PNPLA7: variants seen among roughly 807,000 people sequenced by gnomAD.
PNPLA7 encodes the protein patatin-like phospholipase domain-containing protein 7.
Under a neutral mutation model 161.7 loss-of-function variants are expected in PNPLA7, and 153 were observed. That is an observed-to-expected ratio of 0.95 (90% CI 0.83 to 1.08). The LOEUF (loss-of-function observed/expected upper bound fraction) is 1.08. Among genes scored for constraint, PNPLA7 ranks in the 50% least tolerant of loss-of-function variants. PNPLA7 has a pLI of 0.00. For missense variants in PNPLA7, 1,739 were observed against 1,856.6 expected (o/e 0.94, Z 1.16); for synonymous variants, 809 against 782.1 (o/e 1.03, Z -0.57).
chr9:137,476,206 G>A lies in PNPLA7; in HGVS notation c.2882+1828C>T, dbSNP rs1010671530. 2.0e-5 allele frequency among the ~76,000 whole-genome samples: 3 copies of A among 152,194 alleles called. No individual in the cohort carries two copies. The highest frequency in any genetic ancestry group is 4.8e-5 in the African/African-American group (2 of 41,450). Reference sequence around the variant, plus strand: ...GTATGTCCGAACATACCGAGAGGAGGTTAATGCCTGCCTCAGTGTCTTCGG... The same window carrying A: ...GTATGTCCGAACATACCGAGAGGAGATTAATGCCTGCCTCAGTGTCTTCGG... On this transcript the variant is annotated intron_variant, in intron 25 of 34. Transcript: ENST00000406427. The surrounding 1 kb of genome is among the most constrained non-coding windows in gnomAD (Gnocchi z 4.5).
In PNPLA7 at chr9:137,520,044, C is replaced by A. The variant is rs561266093; in HGVS notation, c.958-1G>T. On this transcript the variant is annotated splice_acceptor_variant, in intron 10 of 34. Coordinates refer to ENST00000406427, the MANE Select transcript of PNPLA7 (RefSeq NM_001098537.3). LOFTEE classifies it high-confidence loss of function. The surrounding 1 kb of genome is among the most constrained non-coding windows in gnomAD (Gnocchi z 5.2). Reference sequence around the variant, plus strand: ...ACACGAGAGGGATGGCCTGGCTCTCCTGGGACACAAGAAGGAAGTTCAGTG... The same window carrying A: ...ACACGAGAGGGATGGCCTGGCTCTCATGGGACACAAGAAGGAAGTTCAGTG... 7 of 1,612,214 alleles carry A rather than the reference C, an allele frequency of 4.3e-6. No individual in the cohort carries two copies. Among genetic ancestry groups the A allele is most frequent in the East Asian group, 4.5e-5 (2 of 44,882 alleles).
At chr9:137,484,506 G>A (rs1248947689) in intron 21 of PNPLA7, 81 bp downstream of exon 21, 4 of 1,444,240 alleles carry the variant, frequency 2.8e-6, no homozygotes, top group African/African-American at 2.8e-5. Flanking sequence ...GCGTCCCCTC[G>A]AAGACAGAGG....
At chr9:137,479,971 G>T in intron 23 of PNPLA7, 1 of 895,936 alleles carries the variant, frequency 1.1e-6, no homozygotes, top group Non-Finnish European at 1.3e-6. Context: ...CCTAAGTGCT[G>T]TGGAGAAAAG....
chr9:137,470,379 G>C (rs1010332154), intron 25 of PNPLA7, among the ~76,000 whole-genome samples: 1 of 152,052 alleles, frequency 6.6e-6, no homozygotes. Context: ...AAATTCACCA[G>C]TGAAACCATC....
At chr9:137,466,517 A>G (rs1378275259) in intron 26 of PNPLA7, among the ~76,000 whole-genome samples, 38 of 133,556 alleles carry the variant, frequency 2.8e-4, no homozygotes, top group East Asian at 1.7e-3. Flanking sequence ...ACCCGGGCAC[A>G]GATCAGACCA....
In PNPLA7 at chr9:137,460,125, C is replaced by T; in HGVS notation, c.*268G>A. 5 of 378,392 alleles carry T rather than the reference C, an allele frequency of 1.3e-5. No individual in the cohort carries two copies. Among genetic ancestry groups the T allele is most frequent in the East Asian group, 1.0e-4 (2 of 19,354 alleles). The allele number at this position is 378,392 out of a possible 1,614,324, so 23.4% of individuals were successfully genotyped here. A position where few individuals can be genotyped will look rare whatever the true frequency, so the allele number is the denominator to read the frequency against. ...GGGGCCTCACAGGGCTTCGGGGGGC[C>T]TCACAGGGCTGCAGGGGGTTCACAG... is the stretch of plus-strand genomic sequence containing the variant. On this transcript the variant is annotated 3_prime_UTR_variant, in exon 35 of 35. Coordinates refer to ENST00000406427, the MANE Select transcript of PNPLA7 (RefSeq NM_001098537.3).
intron 12 of PNPLA7, among the ~76,000 whole-genome samples, chr9:137,514,672 G>A (rs909466696): frequency 7.0e-6 from 1 of 142,828 alleles, no homozygotes; most frequent in African/African-American, 2.7e-5. Context: ...GGGCCCTGTG[G>A]CTGGGCTGCA....
At position 137,500,720 on chromosome 9, in the gene PNPLA7, G is replaced by A. The variant is rs918558098; in HGVS notation, c.1728C>T (p.Phe576=). The change falls in exon 16 of 35, where the codon TTC becomes TTT. Residue 576 remains phenylalanine (F), a synonymous_variant. Coordinates refer to ENST00000406427, the MANE Select transcript of PNPLA7 (RefSeq NM_001098537.3). The surrounding 1 kb of genome is among the most constrained non-coding windows in gnomAD (Gnocchi z 5.5). ...AGAAGTGGGCCTTGGAGATGGACAG[G>A]AAGCTGCAGTCCCTGTTGGCCTTGA... ...FTVKANRDCS[F]LSISKAHFYE... 2.5e-6 allele frequency: 4 copies of A among 1,612,346 alleles called. No homozygotes were observed. The highest frequency in any genetic ancestry group is 3.4e-6 in the Non-Finnish European group (4 of 1,179,850).
chr9:137,467,552 C>T lies in PNPLA7; in HGVS notation c.2883-79G>A, dbSNP rs1161720737. The T allele has an allele frequency of 2.0e-6, 3 of 1,523,476 alleles. No homozygotes were observed. Among genetic ancestry groups the T allele is most frequent in the East Asian group, 4.6e-5 (2 of 43,642 alleles). 94.4% of individuals were successfully genotyped at this position (1,523,476 alleles called of 1,614,324 possible). A position where few individuals can be genotyped will look rare whatever the true frequency, so the allele number is the denominator to read the frequency against. On this transcript the variant is annotated intron_variant, in intron 25 of 34. Transcript: ENST00000406427. The surrounding 1 kb of genome is among the most constrained non-coding windows in gnomAD (Gnocchi z 5.1). ...CCTGCAGAGGCCTTGTGCTCATCCT[C>T]AGTTCCCAACTCCTCCACAGGCAGA...
chr9:137,472,961 GA>G (rs1033858696), intron 25 of PNPLA7, among the ~76,000 whole-genome samples: 1 of 149,660 alleles, frequency 6.7e-6, no homozygotes, highest in Admixed American at 6.7e-5. Flanking sequence ...TCTCAAAAAA[GA>G]AAAAAAAATG....
rs1247491697 is a variant in PNPLA7 at position 137,468,398 on chromosome 9, G to A, written c.2883-925C>T. On this transcript the variant is annotated intron_variant, in intron 25 of 34. Coordinates refer to ENST00000406427, the MANE Select transcript of PNPLA7 (RefSeq NM_001098537.3). The surrounding 1 kb of genome is among the most constrained non-coding windows in gnomAD (Gnocchi z 4.0). ...GAGTGCCTCCCAGGTAAGAGATACA[G>A]ACACAGGCTTTTACAATGACCACGC... Among the ~76,000 whole-genome samples, 1 of 152,204 alleles carries A rather than the reference G, an allele frequency of 6.6e-6. No individual in the cohort carries two copies. Among genetic ancestry groups the A allele is most frequent in the African/African-American group, 2.4e-5 (1 of 41,458 alleles).
intron 22 of PNPLA7, chr9:137,480,750 TG>T: frequency 5.5e-6 from 4 of 731,458 alleles, no homozygotes; most frequent in South Asian, 1.9e-5. Context: ...AAGCGGGGGC[TG>T]GGGTCCCCTG....
At chr9:137,482,542 G>A (rs577447583) in intron 21 of PNPLA7, among the ~76,000 whole-genome samples, 19 of 152,372 alleles carry the variant, frequency 1.2e-4, no homozygotes, top group African/African-American at 3.4e-4. Flanking sequence ...TATAGAGATC[G>A]AGAACAGATC....
At chr9:137,534,904 G>A (rs889761669) in intron 8 of PNPLA7, among the ~76,000 whole-genome samples, 7 of 140,328 alleles carry the variant, frequency 5.0e-5, no homozygotes, top group Non-Finnish European at 8.9e-5. Flanking sequence ...CCCTCGAACC[G>A]CGCGTTCTAA....
At chr9:137,474,856 C>CAAA (rs750987273) in intron 25 of PNPLA7, among the ~76,000 whole-genome samples, 19 of 107,320 alleles carry the variant, frequency 1.8e-4, no homozygotes, top group African/African-American at 6.1e-4. Flanking sequence ...ACTAAAAATA[C>CAAA]AAAAAAAAAA....
intron 11 of PNPLA7, 68 bp from the exon 12 acceptor site, chr9:137,515,587 G>C (rs2132426719): frequency 6.9e-7 from 1 of 1,456,194 alleles, no homozygotes; most frequent in African/African-American, 1.4e-5. Flanking sequence ...CAGCCCATTC[G>C]GGGCCACGCA....
Position 137,462,016 on chromosome 9 carries a change from G to C in PNPLA7, c.3671C>G (p.Thr1224Arg). The change falls in exon 32 of 35, where the codon ACG becomes AGG. Residue 1224 changes from threonine (T) to arginine (R), a missense_variant. Thr to Arg is a moderately conservative substitution (Grantham distance 71). Transcript: ENST00000406427. The stretch of plus-strand genomic sequence containing the variant: ...GCTGCGGCCCCAGATGTCAAACACC[G>C]TGCGCCCGTGCTGGTAGCCCACTTC... ...ICEVGYQHGR[T>R]VFDIWGRSGV... 1 of 1,600,722 alleles carries C rather than the reference G, an allele frequency of 6.2e-7. No individual in the cohort carries two copies. The highest frequency in any genetic ancestry group is 1.1e-5 in the South Asian group (1 of 89,380).
rs1054646608 is a variant in PNPLA7 at position 137,486,902 on chromosome 9, C to G, written c.2198-2166G>C. On this transcript the variant is annotated intron_variant, in intron 20 of 34. Transcript: ENST00000406427. This position sits in a 1 kb window ranked among gnomAD's most constrained non-coding sequence, Gnocchi z 6.0. ...AGAGCTGCTGGTGACCCCCACACCA[C>G]ACAGCTCTCTTCCTGGCCCCAAGGG... 6.6e-6 allele frequency among the ~76,000 whole-genome samples: 1 copy of G among 152,026 alleles called. No homozygotes were observed. Among genetic ancestry groups the G allele is most frequent in the African/African-American group, 2.4e-5 (1 of 41,398 alleles).
chr9:137,550,302 GTTCCT>G lies in PNPLA7; in HGVS notation c.-110_-106del. 1.6e-6 allele frequency: 2 copies of G among 1,283,470 alleles called. No homozygotes were observed. The highest frequency in any genetic ancestry group is 2.3e-6 in the Non-Finnish European group (2 of 884,948). 79.5% of individuals were successfully genotyped at this position (1,283,470 alleles called of 1,614,324 possible). On this transcript the variant is annotated 5_prime_UTR_variant, in exon 1 of 35. Transcript: ENST00000406427. ...CTCACACCTGGACACTTTTCCCTGG[GTTCCT>G]TTCAAGTCAAATTATGTTTCACTGA...
Sources: allele counts gnomAD v4.1 joint callset (sites outside exome capture counted in the v4.1 genomes callset), GRCh38; gene constraint gnomAD v4.1.1; non-coding constraint Gnocchi (gnomAD v3.1); transcripts MANE v1.5; gene names NCBI Gene and HGNC (gene_info 2026-07-23, HGNC 2026-07-21).